Variants in NFX1 observed in about 807,000 individuals in gnomAD.
NFX1 encodes transcriptional repressor NF-X1.
In NFX1, 69 loss-of-function variants were observed where a neutral mutation model predicts 137.2. That is an observed-to-expected ratio of 0.50 (90% CI 0.41 to 0.61). The LOEUF is 0.61. Among genes scored for constraint, NFX1 ranks in the 20% least tolerant of loss-of-function variants. The pLI is 0.00. For missense variants in NFX1, 1,167 were observed against 1,391.0 expected, an observed-to-expected ratio of 0.84 and a Z score of 2.56; for synonymous variants, 495 against 474.1, an observed-to-expected ratio of 1.04 and a Z score of -0.57.
chr9:33,312,061 G>A (rs1821982099), intron 6 of NFX1, among the ~76,000 whole-genome samples: 1 of 152,200 alleles, frequency 6.6e-6, no homozygotes, highest in African/African-American at 2.4e-5. Flanking sequence ...ATTAGTACAA[G>A]GATTACTGAT....
At chr9:33,342,089 C>G (rs80052565) in intron 12 of NFX1, among the ~76,000 whole-genome samples, 4 of 151,776 alleles carry the variant, frequency 2.6e-5, no homozygotes, top group African/African-American at 9.7e-5. Flanking sequence ...ACACTCCAGC[C>G]TGGGCAACAG....
chr9:33,325,281 A>G (rs1158543264), intron 9 of NFX1, among the ~76,000 whole-genome samples: 2 of 152,202 alleles, frequency 1.3e-5, no homozygotes, highest in East Asian at 3.9e-4. Context: ...GAACCTCTGT[A>G]AGCTTAACAG....
intron 11 of NFX1, among the ~76,000 whole-genome samples, chr9:33,336,347 CT>C (rs1823002260): frequency 6.6e-6 from 1 of 152,146 alleles, no homozygotes; most frequent in South Asian, 2.1e-4. Flanking sequence ...TCCCGAGTAG[CT>C]GGGATTACAG....
At chr9:33,355,896 C>T (rs1823794644) in intron 19 of NFX1, among the ~76,000 whole-genome samples, 2 of 152,102 alleles carry the variant, frequency 1.3e-5, no homozygotes, top group Non-Finnish European at 1.5e-5. Flanking sequence ...CCACCTGCCT[C>T]GACCTCCCAA....
chr9:33,361,407 A>C (rs2118682738), intron 19 of NFX1, among the ~76,000 whole-genome samples: 1 of 152,308 alleles, frequency 6.6e-6, no homozygotes, highest in South Asian at 2.1e-4. Context: ...GCTAATTAGC[A>C]TATGCATTAC....
At chr9:33,317,495 TAAAAA>T (rs1822210661) in intron 7 of NFX1, among the ~76,000 whole-genome samples, 1 of 149,360 alleles carries the variant, frequency 6.7e-6, no homozygotes, top group Non-Finnish European at 1.5e-5. Flanking sequence ...ATGTGTATTT[TAAAAA>T]TAAAGAGTCC....
intron 19 of NFX1, among the ~76,000 whole-genome samples, chr9:33,362,013 G>A: frequency 6.6e-6 from 1 of 151,436 alleles, no homozygotes. Context: ...GCCAGCTACT[G>A]GAGAGGTTGA....
chr9:33,302,950 G>A (rs1821626210), intron 3 of NFX1, among the ~76,000 whole-genome samples: 1 of 148,504 alleles, frequency 6.7e-6, no homozygotes, highest in African/African-American at 2.5e-5. Context: ...TTATAGGCAT[G>A]AGCCACCACA....
At position 33,366,714 on chromosome 9, in the gene NFX1, G is replaced by T. The variant is rs755754909; in HGVS notation, c.3125G>T (p.Gly1042Val). 6.2e-7 allele frequency: 1 copy of T among 1,614,194 alleles called. No individual in the cohort carries two copies. Among genetic ancestry groups the T allele is most frequent in the South Asian group, 1.1e-5 (1 of 91,086 alleles). The change falls in exon 22 of 24, where the codon GGC (glycine) becomes GTC (valine). Residue 1042 changes from glycine to valine, a missense_variant. Around this residue, in one of 3 missense-constraint regions of NFX1, gnomAD observed 312 missense variants for 312.8 expected, o/e 1.00. Transcript: ENST00000379540. The part of the protein sequence containing the change: ...RIIHDLAQVY[G>V]LESVSYDSEP... ...ATCCATGACTTGGCCCAAGTTTATG[G>T]CCTGGAGAGCGTGAGCTATGACAGT... is the stretch of plus-strand genomic sequence containing the variant.
chr9:33,305,783 A>AG (rs1381901407), intron 4 of NFX1, among the ~76,000 whole-genome samples: 1 of 152,256 alleles, frequency 6.6e-6, no homozygotes, highest in Non-Finnish European at 1.5e-5. Flanking sequence ...TGGTGGGGAC[A>AG]GTGACTACAG....
chr9:33,350,412 A>G (rs143808423), intron 15 of NFX1, among the ~76,000 whole-genome samples: 178 of 152,262 alleles, frequency 1.2e-3, no homozygotes, highest in African/African-American at 3.3e-3. Context: ...GAATTAGTCT[A>G]TTGACTCTGC....
intron 14 of NFX1, among the ~76,000 whole-genome samples, chr9:33,345,913 A>G (rs965426194): frequency 1.3e-5 from 2 of 152,220 alleles, no homozygotes; most frequent in Admixed American, 6.5e-5. Context: ...CTCTAGCACC[A>G]TACCGGGCCC....
At chr9:33,304,846 A>G (rs961930171) in intron 4 of NFX1, among the ~76,000 whole-genome samples, 2 of 152,244 alleles carry the variant, frequency 1.3e-5, no homozygotes, top group African/African-American at 4.8e-5. Context: ...AAATAGGACA[A>G]TACCAATACT....
intron 9 of NFX1, among the ~76,000 whole-genome samples, chr9:33,319,965 C>CTTTTT (rs796293415): frequency 3.6e-5 from 5 of 140,216 alleles, no homozygotes; most frequent in Admixed American, 7.2e-5. Flanking sequence ...CTTTTCTTTT[C>CTTTTT]TTTTTTTTTT....
chr9:33,363,754 C>A (rs928274072), intron 19 of NFX1, among the ~76,000 whole-genome samples: 1 of 152,152 alleles, frequency 6.6e-6, no homozygotes, highest in Non-Finnish European at 1.5e-5. Flanking sequence ...CCCCAAACTC[C>A]TCTTCCCCAA....
intron 19 of NFX1, 142 bp downstream of exon 19, chr9:33,355,034 AC>A (rs1823765936): frequency 1.3e-6 from 1 of 747,468 alleles, no homozygotes; most frequent in African/African-American, 1.8e-5. Context: ...AAATGCCGTT[AC>A]CAAGAATTGA....
At chr9:33,311,975 T>C (rs1033394205) in intron 6 of NFX1, among the ~76,000 whole-genome samples, 2 of 152,146 alleles carry the variant, frequency 1.3e-5, no homozygotes, top group African/African-American at 4.8e-5. Context: ...AGTCTTTTAA[T>C]GAATATTGTT....
intron 3 of NFX1, among the ~76,000 whole-genome samples, chr9:33,301,948 T>G (rs1363074247): frequency 6.6e-6 from 1 of 152,210 alleles, no homozygotes; most frequent in East Asian, 1.9e-4. Context: ...GGCGGGCACC[T>G]GTAATCCCAG....
intron 2 of NFX1, among the ~76,000 whole-genome samples, chr9:33,296,071 C>T (rs1289264697): frequency 3.9e-5 from 6 of 152,108 alleles, no homozygotes; most frequent in Non-Finnish European, 7.4e-5. Flanking sequence ...GGATTACAGG[C>T]GCCCGCCACC....
Sources: gnomAD v4.1 joint callset for allele counts (sites outside exome capture counted in the v4.1 genomes callset) on GRCh38, gnomAD v4.1.1 for gene constraint, gnomAD v4.1.1 regional missense constraint, MANE v1.5 for transcripts, NCBI Gene and HGNC (gene_info 2026-07-23, HGNC 2026-07-21) for gene names.